Variants in EPHA7 observed in about 807,000 individuals in gnomAD.
The protein encoded by EPHA7 is EPH receptor A7.
In EPHA7, 25 loss-of-function variants were observed where a neutral mutation model predicts 112.6. That is an observed-to-expected ratio of 0.22 (90% CI 0.16 to 0.31). The LOEUF (loss-of-function observed/expected upper bound fraction) is 0.31, where lower values mean the gene tolerates loss of function less well. Ranked by LOEUF, EPHA7 falls within the 10% of genes least tolerant of loss-of-function variation. The probability of loss-of-function intolerance (pLI) is 1.00; values close to 1 mark genes in which losing one functional copy is unlikely to be tolerated. For synonymous variants in EPHA7, 437 were observed against 406.5 expected, an observed-to-expected ratio of 1.07 and a Z score of -0.90; for missense variants, 962 against 1,212.6, an observed-to-expected ratio of 0.79 and a Z score of 3.07.
At chr6:93,255,046 T>C (rs940530436) in intron 13 of EPHA7, among the ~76,000 whole-genome samples, 1 of 151,974 alleles carries the variant, frequency 6.6e-6, no homozygotes. Context: ...AAGAGTATAT[T>C]GAACAAACAA....
Position 93,398,151 on chromosome 6 carries a change from T to A in EPHA7, c.832+12350A>T, listed in dbSNP as rs551992050. Reference sequence around the variant, plus strand: ...CCTGGCAGCAAAAACTATTTCTATATATTATTTGTATATTCTTATTTGTTA... The same window carrying A: ...CCTGGCAGCAAAAACTATTTCTATAAATTATTTGTATATTCTTATTTGTTA... On this transcript the variant is annotated intron_variant, in intron 3 of 16. Coordinates refer to ENST00000369303, the MANE Select transcript of EPHA7 (RefSeq NM_004440.4). 3.3e-5 allele frequency among the ~76,000 whole-genome samples: 5 copies of A among 152,134 alleles called. No homozygotes were observed. The South Asian group carries it at 8.3e-4, about 25-fold the overall frequency.
At chr6:93,305,811 TA>T (rs1043741387) in intron 5 of EPHA7, among the ~76,000 whole-genome samples, 1 of 151,640 alleles carries the variant, frequency 6.6e-6, no homozygotes, top group Non-Finnish European at 1.5e-5. Flanking sequence ...CAGAAGAAAA[TA>T]AAAAAAATTT....
chr6:93,392,100 C>T (rs1423951268), intron 3 of EPHA7, among the ~76,000 whole-genome samples: 1 of 151,988 alleles, frequency 6.6e-6, no homozygotes, highest in African/African-American at 2.4e-5. Context: ...ACACCCAATT[C>T]CTTCCATCTC....
intron 3 of EPHA7, among the ~76,000 whole-genome samples, chr6:93,374,579 T>C (rs547996703): frequency 8.5e-5 from 13 of 152,230 alleles, no homozygotes; most frequent in Admixed American, 1.3e-4. Flanking sequence ...CATTGTAATT[T>C]TATTTGCCAA....
intron 9 of EPHA7, among the ~76,000 whole-genome samples, chr6:93,263,258 C>T (rs1770773348): frequency 6.6e-6 from 1 of 151,352 alleles, no homozygotes; most frequent in Non-Finnish European, 1.5e-5. Context: ...AAGATTAATG[C>T]AGATAGGCAT....
At position 93,254,755 on chromosome 6, in the gene EPHA7, G is replaced by T; in HGVS notation, c.2424C>A (p.Ile808=). The part of the protein sequence containing the change: ...IPVRWTAPEA[I]QYRKFTSASD... ...TGGCTGATGTGAATTTCCGGTACTGGATGGCTTCGGGTGCTGTCCACCTTA... is the reference window on the plus strand; with the variant it reads ...TGGCTGATGTGAATTTCCGGTACTGTATGGCTTCGGGTGCTGTCCACCTTA... Residue 808 remains isoleucine, a synonymous_variant, in exon 14 of 17, where the codon ATC becomes ATA. Transcript: ENST00000369303. The T allele has an allele frequency of 2.5e-6, 4 of 1,613,058 alleles. No individual in the cohort carries two copies. Among genetic ancestry groups the T allele is most frequent in the Non-Finnish European group, 3.4e-6 (4 of 1,179,340 alleles).
Position 93,241,710 on chromosome 6 carries a change from C to T in EPHA7, c.*1716G>A. 1 of 223,148 alleles carries T rather than the reference C, an allele frequency of 4.5e-6. No individual in the cohort carries two copies. The highest frequency in any genetic ancestry group is 9.0e-6 in the Non-Finnish European group (1 of 111,426). The allele number at this position is 223,148 out of a possible 1,614,324, so 13.8% of individuals were successfully genotyped here. A position where few individuals can be genotyped will look rare whatever the true frequency, so the allele number is the denominator to read the frequency against. On this transcript the variant is annotated 3_prime_UTR_variant, in exon 17 of 17. Transcript: ENST00000369303. ...CTTTGGTCCTAAATGTGGGAAAACA[C>T]ATTATGTAGCACTGAAAATACCTGT...
At chr6:93,281,574 A>C (rs570865437) in intron 5 of EPHA7, among the ~76,000 whole-genome samples, 144 of 152,322 alleles carry the variant, frequency 9.5e-4, no homozygotes, top group African/African-American at 3.4e-3. Context: ...ATATGTGTAT[A>C]CATGTCTACG....
chr6:93,268,597 A>T (rs891278357), intron 7 of EPHA7, among the ~76,000 whole-genome samples: 1 of 151,752 alleles, frequency 6.6e-6, no homozygotes, highest in South Asian at 2.1e-4. Context: ...GAGCAGTAAC[A>T]TCAGGAGGAA....
chr6:93,294,340 G>A (rs1186321289), intron 5 of EPHA7, among the ~76,000 whole-genome samples: 5 of 152,142 alleles, frequency 3.3e-5, no homozygotes, highest in Non-Finnish European at 5.9e-5. Flanking sequence ...GTGTATCAGG[G>A]ATGATGTGAC....
chr6:93,252,571 C>G (rs1387401815), intron 14 of EPHA7, among the ~76,000 whole-genome samples: 1 of 151,872 alleles, frequency 6.6e-6, no homozygotes, highest in Non-Finnish European at 1.5e-5. Context: ...AAAATTTTAT[C>G]CCAGAATGGA....
chr6:93,344,336 A>C (rs140807845), intron 5 of EPHA7, among the ~76,000 whole-genome samples: 1 of 151,540 alleles, frequency 6.6e-6, no homozygotes, highest in African/African-American at 2.4e-5. Flanking sequence ...GTGTGAGGCT[A>C]TATTTGGGTT....
chr6:93,336,877 C>T (rs931974947), intron 5 of EPHA7, among the ~76,000 whole-genome samples: 15 of 142,274 alleles, frequency 1.1e-4, no homozygotes, highest in African/African-American at 3.8e-4. Context: ...GGATAGTTTA[C>T]AAAGTATTAT....
intron 5 of EPHA7, among the ~76,000 whole-genome samples, chr6:93,286,145 TACAC>T (rs111975905): frequency 5.6e-4 from 84 of 150,088 alleles, no homozygotes; most frequent in African/African-American, 1.3e-3. Flanking sequence ...TGTTTTTCCT[TACAC>T]ACACACACAC....
At chr6:93,300,258 T>C (rs1338243677) in intron 5 of EPHA7, among the ~76,000 whole-genome samples, 1 of 152,192 alleles carries the variant, frequency 6.6e-6, no homozygotes, top group African/African-American at 2.4e-5. Context: ...GATTCAGTGA[T>C]AGTTGAAATC....
At chr6:93,293,817 T>G (rs1772510700) in intron 5 of EPHA7, among the ~76,000 whole-genome samples, 1 of 152,216 alleles carries the variant, frequency 6.6e-6, no homozygotes, top group Non-Finnish European at 1.5e-5. Flanking sequence ...TTATGGTTCC[T>G]TTGTCTTGTC....
intron 5 of EPHA7, among the ~76,000 whole-genome samples, chr6:93,312,842 G>T (rs1773610469): frequency 6.6e-6 from 1 of 152,056 alleles, no homozygotes; most frequent in African/African-American, 2.4e-5. Context: ...TTATTAAATG[G>T]CTTAATTTTA....
At chr6:93,327,496 AC>A (rs1401254849) in intron 5 of EPHA7, among the ~76,000 whole-genome samples, 3 of 151,536 alleles carry the variant, frequency 2.0e-5, no homozygotes, top group African/African-American at 4.8e-5. Context: ...ACTAGAGGCA[AC>A]TGTAGCATCT....
chr6:93,346,107 G>C (rs1321520336), intron 5 of EPHA7, among the ~76,000 whole-genome samples: 1 of 151,628 alleles, frequency 6.6e-6, no homozygotes, highest in Non-Finnish European at 1.5e-5. Flanking sequence ...GATTGACAGT[G>C]GCAGTGCATA....
Sources: gnomAD v4.1 joint callset for allele counts (sites outside exome capture counted in the v4.1 genomes callset) on GRCh38, gnomAD v4.1.1 for gene constraint, MANE v1.5 for transcripts, NCBI Gene and HGNC (gene_info 2026-07-23, HGNC 2026-07-21) for gene names.